TNNI3K: variants seen among roughly 807,000 people sequenced by gnomAD.
TNNI3K encodes the protein serine/threonine-protein kinase TNNI3K.
A neutral mutation model predicts 114.5 loss-of-function variants in TNNI3K; 140 were observed. The observed-to-expected ratio is 1.22, with a 90% confidence interval of 1.07 to 1.41. The LOEUF is 1.41. Among genes scored for constraint, TNNI3K ranks in the 40% most tolerant of loss-of-function variants. The probability of loss-of-function intolerance (pLI) is 0.00; values close to 1 mark genes in which losing one functional copy is unlikely to be tolerated. For missense variants in TNNI3K, 1,125 were observed against 1,007.6 expected (o/e 1.12, Z -1.58); for synonymous variants, 347 against 347.5 (o/e 1.00, Z 0.02).
chr1:74,480,583 A>T lies in TNNI3K; in HGVS notation c.2122-8606A>T, dbSNP rs753523442. On this transcript the variant is annotated intron_variant, in intron 21 of 24. Coordinates refer to ENST00000326637, the MANE Select transcript of TNNI3K (RefSeq NM_015978.3). ...TGTTGGATAAATCCAGATACCTGAG[A>T]CTGTGGAGATTCGTGCCTCCGAAAG... The T allele has an allele frequency of 2.1e-5, 15 of 717,148 alleles. No individual in the cohort carries two copies. In the South Asian group the frequency reaches 2.2e-4, roughly 11 times the overall value. 44.4% of individuals were successfully genotyped at this position (717,148 alleles called of 1,614,324 possible). A position where few individuals can be genotyped will look rare whatever the true frequency, so the allele number is the denominator to read the frequency against.
intron 17 of TNNI3K, chr1:74,375,267 A>T (rs1662847978): frequency 6.3e-6 from 1 of 159,616 alleles, no homozygotes; most frequent in African/African-American, 2.4e-5. Flanking sequence ...GAAAGATCTG[A>T]CTTGACTCCA....
chr1:74,425,259 T>C (rs1665581175), intron 17 of TNNI3K, among the ~76,000 whole-genome samples: 1 of 152,094 alleles, frequency 6.6e-6, no homozygotes, highest in African/African-American at 2.4e-5. Flanking sequence ...GAAAGCTGTG[T>C]CCTGCACAAT....
chr1:74,433,703 A>G (rs1306379508), intron 17 of TNNI3K, among the ~76,000 whole-genome samples: 1 of 152,046 alleles, frequency 6.6e-6, no homozygotes, highest in East Asian at 1.9e-4. Flanking sequence ...GTTTTTTATA[A>G]GAGTTCATTT....
chr1:74,296,959 T>C (rs1237359296), intron 5 of TNNI3K, among the ~76,000 whole-genome samples: 1 of 152,204 alleles, frequency 6.6e-6, no homozygotes, highest in Admixed American at 6.5e-5. Flanking sequence ...TGTGGCTTCA[T>C]GTATTTCTTC....
chr1:74,291,367 C>T (rs1457787719), intron 5 of TNNI3K, among the ~76,000 whole-genome samples: 1 of 151,472 alleles, frequency 6.6e-6, no homozygotes, highest in African/African-American at 2.4e-5. Context: ...TCACTTATGA[C>T]ATTTTAACAA....
intron 17 of TNNI3K, among the ~76,000 whole-genome samples, chr1:74,380,420 C>A (rs1343634417): frequency 1.3e-5 from 2 of 152,154 alleles, no homozygotes; most frequent in Non-Finnish European, 2.9e-5. Context: ...ACAACACTCA[C>A]ACGGTGCGAA....
At chr1:74,287,310 C>T (rs962208747) in intron 5 of TNNI3K, among the ~76,000 whole-genome samples, 2 of 151,986 alleles carry the variant, frequency 1.3e-5, no homozygotes, top group Non-Finnish European at 2.9e-5. Flanking sequence ...TGAAAGATAT[C>T]ATGACAGAAA....
chr1:74,282,939 A>C (rs1039458751), intron 5 of TNNI3K, among the ~76,000 whole-genome samples: 2 of 152,214 alleles, frequency 1.3e-5, no homozygotes, highest in African/African-American at 4.8e-5. Flanking sequence ...ATGCCAGCCG[A>C]TGCACATCAT....
chr1:74,328,080 T>C (rs1464138364), intron 5 of TNNI3K, among the ~76,000 whole-genome samples: 1 of 152,148 alleles, frequency 6.6e-6, no homozygotes, highest in African/African-American at 2.4e-5. Flanking sequence ...AATTGAATTA[T>C]TTAAAAATTC....
intron 21 of TNNI3K, among the ~76,000 whole-genome samples, chr1:74,478,733 C>T (rs979492884): frequency 6.6e-6 from 1 of 152,206 alleles, no homozygotes; most frequent in South Asian, 2.1e-4. Context: ...GTGAACCCCA[C>T]CATCTATTGC....
chr1:74,309,414 C>CCAAAAAA (rs2100346742), intron 5 of TNNI3K, among the ~76,000 whole-genome samples: 1 of 144,648 alleles, frequency 6.9e-6, no homozygotes, highest in South Asian at 2.3e-4. Flanking sequence ...TGAAACTATT[C>CCAAAAAA]CAAAAAAATC....
chr1:74,258,063 C>T (rs1655437642), intron 4 of TNNI3K, among the ~76,000 whole-genome samples: 1 of 152,142 alleles, frequency 6.6e-6, no homozygotes, highest in African/African-American at 2.4e-5. Context: ...CACCTGAATT[C>T]CCAAGTCTCT....
At chr1:74,436,023 A>G (rs963597133) in intron 17 of TNNI3K, 57 bp from the exon 18 acceptor site, 12 of 1,574,560 alleles carry the variant, frequency 7.6e-6, no homozygotes, top group Non-Finnish European at 1.0e-5. Flanking sequence ...GGCCAATTAG[A>G]TTAGGACATA....
intron 23 of TNNI3K, among the ~76,000 whole-genome samples, chr1:74,512,893 G>GTT: frequency 6.6e-6 from 1 of 152,114 alleles, no homozygotes; most frequent in Admixed American, 6.5e-5. Context: ...CTTATGATGG[G>GTT]GTCACTATGT....
At chr1:74,376,914 C>T (rs1443031527) in intron 17 of TNNI3K, 1 of 151,912 alleles carries the variant, frequency 6.6e-6, no homozygotes, top group African/African-American at 2.4e-5. Flanking sequence ...TTAAACAAGA[C>T]TACCAATTAA....
intron 7 of TNNI3K, among the ~76,000 whole-genome samples, chr1:74,336,620 G>T (rs1010916661): frequency 6.6e-6 from 1 of 151,144 alleles, no homozygotes. Flanking sequence ...TTGTTCTTGC[G>T]ATAGTTTACT....
At chr1:74,391,422 G>A (rs185149634) in intron 17 of TNNI3K, among the ~76,000 whole-genome samples, 146 of 152,128 alleles carry the variant, frequency 9.6e-4, no homozygotes, top group African/African-American at 2.8e-3. Context: ...TTGTTTGTTC[G>A]TTTAGGTAGA....
intron 21 of TNNI3K, chr1:74,470,148 T>G (rs926547650): frequency 1.5e-5 from 6 of 400,644 alleles, no homozygotes; most frequent in Admixed American, 4.4e-5. Context: ...CTTCAGGATC[T>G]ACTTCACTGC....
Position 74,370,328 on chromosome 1 carries a change from G to T in TNNI3K, c.1708G>T (p.Val570Phe), listed in dbSNP as rs201690234. 4 of 1,606,012 alleles carry T rather than the reference G, an allele frequency of 2.5e-6. No individual in the cohort carries two copies. The highest frequency in any genetic ancestry group is 2.2e-5 in the South Asian group (2 of 90,146). The change falls in exon 17 of 25, where the codon GTT becomes TTT. Residue 570 changes from valine (V) to phenylalanine (F), a missense_variant. Physicochemically the swap from Val to Phe is conservative, Grantham distance 50. Transcript: ENST00000326637. Reference protein sequence around the residue: ...LQSKLIIAVDVAKGMEYLHNL... With the variant: ...LQSKLIIAVDFAKGMEYLHNL... ...GTCTAAATTAATTATTGCAGTAGAT[G>T]TTGCCAAAGGCATGGAGTACCTTCA...
Sources: gnomAD v4.1 joint callset for allele counts (sites outside exome capture counted in the v4.1 genomes callset) on GRCh38, gnomAD v4.1.1 for gene constraint, MANE v1.5 for transcripts, NCBI Gene and HGNC (gene_info 2026-07-23, HGNC 2026-07-21) for gene names.